Variants in PPFIA2 observed in about 807,000 individuals in gnomAD.
The protein encoded by PPFIA2 is PPFI scaffold protein A2, also known as liprin-alpha-2.
Under a neutral mutation model 175.5 loss-of-function variants are expected in PPFIA2, and 46 were observed. The observed-to-expected ratio is 0.26, with a 90% CI of 0.21 to 0.34. The LOEUF is 0.34. Ranked by LOEUF, PPFIA2 falls within the 10% of genes least tolerant of loss-of-function variation. The pLI, the probability that PPFIA2 is intolerant of heterozygous loss-of-function variation, is 1.00. For synonymous variants in PPFIA2, 568 were observed against 511.4 expected, an observed-to-expected ratio of 1.11 and a Z score of -1.49; for missense variants, 1,179 against 1,506.1, an observed-to-expected ratio of 0.78 and a Z score of 3.60.
chr12:81,334,388 A>T (rs2056718111), intron 21 of PPFIA2, among the ~76,000 whole-genome samples: 1 of 152,104 alleles, frequency 6.6e-6, no homozygotes, highest in Non-Finnish European at 1.5e-5. Flanking sequence ...TAAAGTCCAT[A>T]ATTGGTACTC....
At chr12:81,516,105 A>G (rs929733299) in intron 4 of PPFIA2, among the ~76,000 whole-genome samples, 17 of 152,118 alleles carry the variant, frequency 1.1e-4, no homozygotes, top group African/African-American at 3.4e-4. Flanking sequence ...GGGGAAGAGT[A>G]GAAGAGTGGA....
chr12:81,636,095 T>C (rs2063976284), intron 4 of PPFIA2, among the ~76,000 whole-genome samples: 1 of 152,186 alleles, frequency 6.6e-6, no homozygotes, highest in African/African-American at 2.4e-5. Context: ...CACTGTTAAA[T>C]GTGAAAGAAT....
chr12:81,712,800 T>C (rs979882176), intron 3 of PPFIA2, among the ~76,000 whole-genome samples: 3 of 150,732 alleles, frequency 2.0e-5, no homozygotes, highest in Admixed American at 6.8e-5. Context: ...ACGCTTTCAA[T>C]TGTGCTGTCT....
At chr12:81,354,226 T>C (rs924648253) in intron 16 of PPFIA2, among the ~76,000 whole-genome samples, 7 of 152,204 alleles carry the variant, frequency 4.6e-5, no homozygotes, top group African/African-American at 1.7e-4. Flanking sequence ...CTTTCTTTCA[T>C]GAAAGATTTC....
Position 81,398,637 on chromosome 12 carries a change from T to A in PPFIA2, c.762+7150A>T, listed in dbSNP as rs986121021. The stretch of plus-strand genomic sequence containing the variant: ...ACATAAAGGACTTTATGCTGGTTAC[T>A]TATCTCATTCTTAAAGACCCGTAGC... On this transcript the variant is annotated intron_variant, in intron 8 of 32. Coordinates refer to ENST00000549396, the MANE Select transcript of PPFIA2 (RefSeq NM_003625.5). 1.2e-4 allele frequency among the ~76,000 whole-genome samples: 18 copies of A among 152,114 alleles called. 1 individual carries two copies. Among genetic ancestry groups the A allele is most frequent in the Admixed American group, 1.2e-3 (18 of 15,236 alleles).
chr12:81,753,642 G>C (rs17748242), intron 3 of PPFIA2, among the ~76,000 whole-genome samples: 8,156 of 151,984 alleles, frequency 0.054, 278 homozygotes, highest in Middle Eastern at 0.085. Context: ...TGTTTAAAAG[G>C]TAAGAAAGAT....
chr12:81,281,668 T>C (rs2042117668), intron 26 of PPFIA2, among the ~76,000 whole-genome samples: 2 of 152,122 alleles, frequency 1.3e-5, no homozygotes, highest in South Asian at 4.1e-4. Context: ...GCTATTTACT[T>C]TGTATTCTCA....
chr12:81,440,430 C>T (rs1037921891), intron 6 of PPFIA2, among the ~76,000 whole-genome samples: 5 of 151,996 alleles, frequency 3.3e-5, no homozygotes, highest in African/African-American at 1.2e-4. Flanking sequence ...AATACCCCAC[C>T]TTTTTCTCTA....
chr12:81,389,642 C>T (rs1199481937), intron 8 of PPFIA2, among the ~76,000 whole-genome samples: 1 of 151,976 alleles, frequency 6.6e-6, no homozygotes, highest in Non-Finnish European at 1.5e-5. Flanking sequence ...AATAAAAAGT[C>T]ATATTAAAAC....
intron 4 of PPFIA2, among the ~76,000 whole-genome samples, chr12:81,497,400 G>C (rs1264944070): frequency 6.6e-6 from 1 of 151,802 alleles, no homozygotes. Flanking sequence ...CTCTTCATTA[G>C]GGCAAAGTTT....
intron 4 of PPFIA2, among the ~76,000 whole-genome samples, chr12:81,552,116 A>C (rs2068030892): frequency 6.6e-6 from 1 of 151,660 alleles, no homozygotes; most frequent in Non-Finnish European, 1.5e-5. Flanking sequence ...AATATTTATC[A>C]CTATTATAGT....
intron 22 of PPFIA2, chr12:81,312,353 A>G (rs2139168749): frequency 3.3e-6 from 2 of 608,640 alleles, no homozygotes; most frequent in Non-Finnish European, 5.8e-6. Flanking sequence ...CACTGCGTCG[A>G]AAAGCATAGT....
chr12:81,383,780 A>G (rs551678611), intron 9 of PPFIA2, among the ~76,000 whole-genome samples: 22 of 152,282 alleles, frequency 1.4e-4, no homozygotes, highest in Admixed American at 5.2e-4. Flanking sequence ...CAGCTTCAGA[A>G]TGTCTTTGTT....
At chr12:81,648,081 A>G (rs1225585530) in intron 4 of PPFIA2, among the ~76,000 whole-genome samples, 3 of 150,746 alleles carry the variant, frequency 2.0e-5, no homozygotes, top group African/African-American at 7.3e-5. Context: ...ATAATATCTC[A>G]TGACCCATTA....
intron 9 of PPFIA2, among the ~76,000 whole-genome samples, chr12:81,379,191 CCT>C (rs1309727019): frequency 6.6e-6 from 1 of 151,932 alleles, no homozygotes; most frequent in Non-Finnish European, 1.5e-5. Flanking sequence ...ATAGCTTTTC[CCT>C]CTGTCATTTG....
intron 4 of PPFIA2, among the ~76,000 whole-genome samples, chr12:81,539,877 T>G (rs1567241484): frequency 2.0e-5 from 3 of 152,060 alleles, no homozygotes. Flanking sequence ...TAGGTGTGAT[T>G]GCTTAGAATA....
intron 4 of PPFIA2, among the ~76,000 whole-genome samples, chr12:81,520,416 G>C (rs186413233): frequency 6.6e-5 from 10 of 152,198 alleles, no homozygotes; most frequent in African/African-American, 2.2e-4. Context: ...TTTTTGAGCC[G>C]TACAACTGAC....
chr12:81,280,330 C>T (rs576796854), intron 27 of PPFIA2, among the ~76,000 whole-genome samples: 88 of 152,258 alleles, frequency 5.8e-4, no homozygotes, highest in African/African-American at 2.0e-3. Context: ...ATCTTTACCA[C>T]ATTTAATTCA....
At chr12:81,637,556 A>G (rs1343783592) in intron 4 of PPFIA2, among the ~76,000 whole-genome samples, 1 of 152,080 alleles carries the variant, frequency 6.6e-6, no homozygotes, top group East Asian at 1.9e-4. Flanking sequence ...CATACAAATA[A>G]TCTTTCAGAA....
Sources: gnomAD v4.1 joint callset for allele counts (sites outside exome capture counted in the v4.1 genomes callset) on GRCh38, gnomAD v4.1.1 for gene constraint, MANE v1.5 for transcripts, NCBI Gene and HGNC (gene_info 2026-07-23, HGNC 2026-07-21) for gene names.